Variants in SYNPR observed in about 807,000 individuals in gnomAD.
SYNPR encodes synaptoporin.
SYNPR carries 23 observed loss-of-function variants against 32.9 expected under a neutral mutation model. That is an observed-to-expected ratio of 0.70 (90% CI 0.50 to 0.99). SYNPR has a LOEUF of 0.99. SYNPR is among the 50% of genes least tolerant of loss of function. The pLI is 0.00. For missense variants in SYNPR, 318 were observed against 349.3 expected (o/e 0.91, Z 0.71); for synonymous variants, 146 against 135.9 (o/e 1.07, Z -0.52).
intron 2 of SYNPR, among the ~76,000 whole-genome samples, chr3:63,331,839 A>G (rs1157534014): frequency 6.6e-6 from 1 of 152,188 alleles, no homozygotes; most frequent in East Asian, 1.9e-4. Flanking sequence ...ATCAACAAAT[A>G]TCTACTGAGT....
intron 3 of SYNPR, among the ~76,000 whole-genome samples, chr3:63,493,341 T>A (rs1701291340): frequency 6.6e-6 from 1 of 152,040 alleles, no homozygotes. Context: ...CATGAAACCA[T>A]CAGGGCTTGG....
intron 3 of SYNPR, among the ~76,000 whole-genome samples, chr3:63,497,659 T>C (rs777387829): frequency 2.6e-5 from 4 of 152,094 alleles, no homozygotes; most frequent in Non-Finnish European, 5.9e-5. Context: ...GAGATGGAAT[T>C]CAGTCGCTCT....
At chr3:63,234,169 C>T (rs1234135555) in intron 1 of SYNPR, among the ~76,000 whole-genome samples, 1 of 152,260 alleles carries the variant, frequency 6.6e-6, no homozygotes, top group Middle Eastern at 3.4e-3. Flanking sequence ...GAGCAAGTCA[C>T]GTCTTACATG....
At chr3:63,226,349 G>A (rs1033310386), upstream of SYNPR, among the ~76,000 whole-genome samples, 4 of 152,140 alleles carry the variant, frequency 2.6e-5, no homozygotes, top group Non-Finnish European at 4.4e-5. Flanking sequence ...TACCACTACT[G>A]GGTATGTATC....
intron 2 of SYNPR, among the ~76,000 whole-genome samples, chr3:63,345,316 C>T (rs2087423685): frequency 6.6e-6 from 1 of 152,182 alleles, no homozygotes; most frequent in Non-Finnish European, 1.5e-5. Flanking sequence ...GTTAACTTGG[C>T]CTATGGCCAG....
At chr3:63,577,387 C>T (rs557032919) in intron 4 of SYNPR, among the ~76,000 whole-genome samples, 1 of 152,060 alleles carries the variant, frequency 6.6e-6, no homozygotes, top group Admixed American at 6.6e-5. Context: ...CACCAAGACC[C>T]ACATGGAGAG....
In SYNPR at chr3:63,455,756, GGTGTGTGT is replaced by G. The variant is rs370244005; in HGVS notation, c.85-25052_85-25045del. ...TGCTTCTGTACATAGTCATGTTTGG[GGTGTGTGT>G]GTGTGTGTGTGTGTGTGTGTGTGGA... is the stretch of plus-strand genomic sequence containing the variant. On this transcript the variant is annotated intron_variant, in intron 2 of 5. Transcript: ENST00000478300. Among the ~76,000 whole-genome samples, 626 of 144,376 alleles carry G rather than the reference GGTGTGTGT, an allele frequency of 4.3e-3. 4 individuals are homozygous for G. The highest frequency in any genetic ancestry group is 0.015 in the African/African-American group (583 of 38,644). 94.7% of individuals were successfully genotyped at this position (144,376 alleles called of 152,430 possible).
chr3:63,370,650 C>A (rs2087800853), intron 2 of SYNPR, among the ~76,000 whole-genome samples: 1 of 152,150 alleles, frequency 6.6e-6, no homozygotes, highest in Admixed American at 6.6e-5. Context: ...AGTCTGGGGG[C>A]ATAATTTCTA....
intron 3 of SYNPR, among the ~76,000 whole-genome samples, chr3:63,534,051 T>C (rs1394901): frequency 0.23 from 35,384 of 152,148 alleles, 4,219 homozygotes; most frequent in East Asian, 0.32. Flanking sequence ...TAGAAACTTG[T>C]ATTTAAATAG....
chr3:63,560,063 A>G (rs930956816), intron 4 of SYNPR, among the ~76,000 whole-genome samples: 2 of 152,234 alleles, frequency 1.3e-5, no homozygotes, highest in African/African-American at 2.4e-5. Context: ...AGTCTTTCCC[A>G]TCAAGCAAGA....
chr3:63,571,796 A>G (rs1375082628), intron 4 of SYNPR, among the ~76,000 whole-genome samples: 2 of 152,190 alleles, frequency 1.3e-5, no homozygotes, highest in Non-Finnish European at 2.9e-5. Context: ...AAATTTTTCC[A>G]GAAGAAAAAA....
At chr3:63,290,010 G>T (rs968312486) in intron 2 of SYNPR, among the ~76,000 whole-genome samples, 1 of 151,614 alleles carries the variant, frequency 6.6e-6, no homozygotes, top group Non-Finnish European at 1.5e-5. Flanking sequence ...GGTGTCTGTA[G>T]TCCCAGCTAC....
chr3:63,396,984 G>A (rs1167688356), intron 2 of SYNPR, among the ~76,000 whole-genome samples: 2 of 151,870 alleles, frequency 1.3e-5, no homozygotes, highest in East Asian at 3.9e-4. Context: ...GGCACCTGTA[G>A]TCTCAGCCAC....
chr3:63,280,745 T>TGC (rs892009745), intron 2 of SYNPR, among the ~76,000 whole-genome samples: 45 of 151,448 alleles, frequency 3.0e-4, no homozygotes, highest in African/African-American at 8.7e-4. Flanking sequence ...TGTGTGTGTG[T>TGC]GCACAGGTGA....
intron 2 of SYNPR, among the ~76,000 whole-genome samples, chr3:63,307,062 C>T (rs1410015868): frequency 1.3e-5 from 2 of 152,048 alleles, no homozygotes; most frequent in Non-Finnish European, 2.9e-5. Context: ...TCTCAATATA[C>T]TCATGTAACT....
At chr3:63,388,438 AG>A (rs1197249422) in intron 2 of SYNPR, among the ~76,000 whole-genome samples, 2 of 119,404 alleles carry the variant, frequency 1.7e-5, no homozygotes, top group East Asian at 5.3e-4. Flanking sequence ...CCCAGGCTGG[AG>A]TGCCATGGTG....
intron 2 of SYNPR, among the ~76,000 whole-genome samples, chr3:63,281,378 C>T (rs2086628773): frequency 6.6e-6 from 1 of 152,182 alleles, no homozygotes; most frequent in Admixed American, 6.5e-5. Context: ...TAGAAATAAA[C>T]ATGCATGTAA....
At chr3:63,361,673 A>G (rs1425043740) in intron 2 of SYNPR, among the ~76,000 whole-genome samples, 1 of 151,930 alleles carries the variant, frequency 6.6e-6, no homozygotes, top group Non-Finnish European at 1.5e-5. Flanking sequence ...ACCTCCTCAT[A>G]AGATTATTGT....
At chr3:63,312,742 T>C (rs1394563522) in intron 2 of SYNPR, among the ~76,000 whole-genome samples, 2 of 151,984 alleles carry the variant, frequency 1.3e-5, no homozygotes, top group Non-Finnish European at 2.9e-5. Flanking sequence ...CCCACCCAAC[T>C]CTTTTGCACT....
Sources: allele counts gnomAD v4.1 joint callset (sites outside exome capture counted in the v4.1 genomes callset), GRCh38; gene constraint gnomAD v4.1.1; transcripts MANE v1.5; gene names NCBI Gene and HGNC (gene_info 2026-07-23, HGNC 2026-07-21).